Variants in PPP2R2B observed in about 807,000 individuals in gnomAD.
PPP2R2B encodes the protein protein phosphatase 2 regulatory subunit Bbeta.
Under a neutral mutation model 46.0 loss-of-function variants are expected in PPP2R2B, and 5 were observed. That is an observed-to-expected ratio of 0.11 (90% CI 0.06 to 0.23). PPP2R2B has a LOEUF of 0.23. Ranked by LOEUF, PPP2R2B falls within the 10% of genes least tolerant of loss-of-function variation. The probability of loss-of-function intolerance (pLI) is 1.00; values close to 1 mark genes in which losing one functional copy is unlikely to be tolerated. For missense variants in PPP2R2B, 367 were observed against 575.0 expected (o/e 0.64, Z 3.70); for synonymous variants, 215 against 206.7 (o/e 1.04, Z -0.34).
At chr5:146,634,483 T>G (rs769337237) in intron 7 of PPP2R2B, among the ~76,000 whole-genome samples, 6 of 152,062 alleles carry the variant, frequency 3.9e-5, no homozygotes, top group Non-Finnish European at 5.9e-5. Flanking sequence ...TACAGGTGTG[T>G]GTCACCACAC....
In PPP2R2B at chr5:146,681,979, G is replaced by C. The variant is rs186850531; in HGVS notation, c.447+9149C>G. ...TCTCAGCTTGCCACTGCCATTGAGT[G>C]TACATATGGGAGGTGTCCTTTATTA... On this transcript the variant is annotated intron_variant, in intron 5 of 9. Coordinates refer to ENST00000394411, the MANE Select transcript of PPP2R2B (RefSeq NM_181675.4). Among the ~76,000 whole-genome samples the C allele has an allele frequency of 3.3e-5, 5 of 152,164 alleles. No homozygotes were observed. The East Asian group carries it at 9.6e-4, about 29-fold the overall frequency.
At chr5:146,860,994 A>G (rs1252827375) in intron 2 of PPP2R2B, among the ~76,000 whole-genome samples, 1 of 151,954 alleles carries the variant, frequency 6.6e-6, no homozygotes, top group Non-Finnish European at 1.5e-5. Flanking sequence ...CTTGCTATAG[A>G]AGCTGACAGT....
At chr5:146,894,439 T>C (rs942441075) in intron 1 of PPP2R2B, among the ~76,000 whole-genome samples, 10 of 152,156 alleles carry the variant, frequency 6.6e-5, no homozygotes, top group Admixed American at 2.0e-4. Context: ...CTCTGGACTT[T>C]ATTTTTATTT....
chr5:147,081,165 G>T, intron 1 of PPP2R2B: 3 of 1,535,082 alleles, frequency 2.0e-6, no homozygotes, highest in Non-Finnish European at 2.6e-6. Context: ...GACACTTCAG[G>T]TTAGGTAAGA....
At chr5:146,748,827 T>A (rs1753355536) in intron 2 of PPP2R2B, among the ~76,000 whole-genome samples, 1 of 152,232 alleles carries the variant, frequency 6.6e-6, no homozygotes, top group African/African-American at 2.4e-5. Context: ...TTATGAATAA[T>A]GCTGCTATAA....
chr5:146,795,833 A>G (rs1476297059), intron 2 of PPP2R2B, among the ~76,000 whole-genome samples: 2 of 152,184 alleles, frequency 1.3e-5, no homozygotes, highest in South Asian at 2.1e-4. Flanking sequence ...TTGCATGACT[A>G]AAAAACAGAA....
chr5:146,885,153 G>T (rs1762279651), intron 1 of PPP2R2B, among the ~76,000 whole-genome samples: 1 of 152,060 alleles, frequency 6.6e-6, no homozygotes, highest in Non-Finnish European at 1.5e-5. Context: ...CTGTGGAAAG[G>T]GTTTTACTTG....
intron 1 of PPP2R2B, among the ~76,000 whole-genome samples, chr5:147,053,505 C>T (rs1298708402): frequency 6.6e-6 from 1 of 150,456 alleles, no homozygotes; most frequent in Non-Finnish European, 1.5e-5. Flanking sequence ...TATTTTTTTT[C>T]TAGCACAGAC....
At chr5:147,014,311 T>G (rs1317412339) in intron 1 of PPP2R2B, among the ~76,000 whole-genome samples, 1 of 148,874 alleles carries the variant, frequency 6.7e-6, no homozygotes, top group Non-Finnish European at 1.5e-5. Context: ...GTTCAACCAT[T>G]GTGGAAGTCA....
intron 1 of PPP2R2B, among the ~76,000 whole-genome samples, chr5:146,899,649 A>G (rs1323774352): frequency 6.6e-6 from 1 of 152,180 alleles, no homozygotes; most frequent in Non-Finnish European, 1.5e-5. Context: ...AAGTAGGAGA[A>G]AAAGATAAAG....
At chr5:147,030,215 A>G (rs1431712356) in intron 1 of PPP2R2B, among the ~76,000 whole-genome samples, 1 of 152,094 alleles carries the variant, frequency 6.6e-6, no homozygotes, top group African/African-American at 2.4e-5. Flanking sequence ...CTGTACTTAG[A>G]TTTATTCCTA....
intron 1 of PPP2R2B, among the ~76,000 whole-genome samples, chr5:146,939,557 A>G (rs1416348035): frequency 6.6e-6 from 1 of 152,204 alleles, no homozygotes; most frequent in African/African-American, 2.4e-5. Flanking sequence ...TTTCTAAAAG[A>G]CAAACTTTTT....
chr5:146,712,107 C>T (rs577090864), intron 2 of PPP2R2B, among the ~76,000 whole-genome samples: 10 of 152,180 alleles, frequency 6.6e-5, no homozygotes, highest in Admixed American at 5.9e-4. Flanking sequence ...CGATGTCAAA[C>T]AAAATAAATA....
chr5:146,941,531 A>C (rs1008532427), intron 1 of PPP2R2B, among the ~76,000 whole-genome samples: 1 of 152,188 alleles, frequency 6.6e-6, no homozygotes, highest in Non-Finnish European at 1.5e-5. Context: ...GTTCAGAACC[A>C]CATCAGCATT....
At chr5:146,834,675 T>C (rs1759165918) in intron 2 of PPP2R2B, among the ~76,000 whole-genome samples, 1 of 152,200 alleles carries the variant, frequency 6.6e-6, no homozygotes, top group Non-Finnish European at 1.5e-5. Context: ...GGAGTACACA[T>C]GCAGGTTTGT....
upstream of PPP2R2B, among the ~76,000 whole-genome samples, chr5:147,056,966 A>G (rs1757106694): frequency 6.6e-6 from 1 of 152,260 alleles, no homozygotes; most frequent in African/African-American, 2.4e-5. Context: ...TGTCCATAAA[A>G]GAAAACCAAC....
intron 2 of PPP2R2B, among the ~76,000 whole-genome samples, chr5:146,762,476 A>T (rs554897393): frequency 2.5e-4 from 38 of 152,266 alleles, no homozygotes; most frequent in African/African-American, 8.7e-4. Context: ...TCTGTTCACT[A>T]CTCTTTCTAT....
At chr5:146,855,649 CTT>C (rs982466188) in intron 2 of PPP2R2B, among the ~76,000 whole-genome samples, 65 of 152,224 alleles carry the variant, frequency 4.3e-4, no homozygotes, top group African/African-American at 1.5e-3. Flanking sequence ...ATGTTGTACT[CTT>C]TGATCTCTCT....
intron 7 of PPP2R2B, chr5:146,607,309 T>C (rs971559570): frequency 2.6e-4 from 40 of 152,314 alleles, no homozygotes; most frequent in Admixed American, 7.2e-4. Context: ...GTGGCTACTG[T>C]GCTACCAGGG....
Sources: gnomAD v4.1 joint callset for allele counts (sites outside exome capture counted in the v4.1 genomes callset) on GRCh38, gnomAD v4.1.1 for gene constraint, MANE v1.5 for transcripts, NCBI Gene and HGNC (gene_info 2026-07-23, HGNC 2026-07-21) for gene names.